Variants in PDE10A observed in about 807,000 individuals in gnomAD.
The protein encoded by PDE10A is phosphodiesterase 10A, also known as cAMP and cAMP-inhibited cGMP 3',5'-cyclic phosphodiesterase 10A.
PDE10A carries 39 observed loss-of-function variants against 97.7 expected under a neutral mutation model. The observed-to-expected ratio is 0.40, with a 90% CI of 0.31 to 0.52. PDE10A has a LOEUF of 0.52. Ranked by LOEUF, PDE10A falls within the 20% of genes least tolerant of loss-of-function variation. PDE10A has a pLI of 0.56. For synonymous variants in PDE10A, 371 were observed against 376.8 expected, an observed-to-expected ratio of 0.98 and a Z score of 0.18; for missense variants, 731 against 1,047.8, an observed-to-expected ratio of 0.70 and a Z score of 4.17.
intron 1 of PDE10A, among the ~76,000 whole-genome samples, chr6:165,807,749 G>T (rs886090571): frequency 1.3e-5 from 2 of 152,078 alleles, no homozygotes; most frequent in Non-Finnish European, 2.9e-5. Context: ...CGGCGGCAGT[G>T]GTTCACCTAA....
intron 1 of PDE10A, among the ~76,000 whole-genome samples, chr6:165,691,106 T>TCTCTCCCC (rs143783728): frequency 5.1e-5 from 2 of 39,130 alleles, no homozygotes; most frequent in Non-Finnish European, 9.1e-5. Flanking sequence ...TCTTTCTCTC[T>TCTCTCCCC]CCCCCCCCCC....
intron 3 of PDE10A, among the ~76,000 whole-genome samples, chr6:165,474,633 A>C (rs574136017): frequency 6.6e-6 from 1 of 152,252 alleles, no homozygotes; most frequent in South Asian, 2.1e-4. Context: ...CATGTAACAA[A>C]CCTGCACATG....
At position 165,418,243 on chromosome 6, in the gene PDE10A, C is replaced by T. The variant is rs141431832; in HGVS notation, c.1796+392G>A. On this transcript the variant is annotated intron_variant, in intron 11 of 21. Coordinates refer to ENST00000539869, the MANE Select transcript of PDE10A (RefSeq NM_001385079.1). This position sits in a 1 kb window ranked among gnomAD's most constrained non-coding sequence, Gnocchi z 4.8. ...TCAATTTCTACTACTGTCTGGACTGCGAGACAGGCCACCGGTTGGGAAGAA... is the reference window on the plus strand; with the variant it reads ...TCAATTTCTACTACTGTCTGGACTGTGAGACAGGCCACCGGTTGGGAAGAA... Among the ~76,000 whole-genome samples, 1 of 152,152 alleles carries T rather than the reference C, an allele frequency of 6.6e-6. No homozygotes were observed. The highest frequency in any genetic ancestry group is 2.4e-5 in the African/African-American group (1 of 41,434).
At chr6:165,866,060 G>A (rs1452475589) in intron 1 of PDE10A, among the ~76,000 whole-genome samples, 1 of 152,052 alleles carries the variant, frequency 6.6e-6, no homozygotes, top group African/African-American at 2.4e-5. Flanking sequence ...TTAACAAAAT[G>A]CAGAAGTAAG....
At position 165,336,393 on chromosome 6, in the gene PDE10A, C is replaced by T. The variant is rs560696132; in HGVS notation, c.2977-182G>A. 1.9e-3 allele frequency among the ~76,000 whole-genome samples: 284 copies of T among 152,266 alleles called. 1 individual carries two copies. The highest frequency in any genetic ancestry group is 6.6e-3 in the African/African-American group (274 of 41,568). ...CTATTATAGACTGTATTTTAAAATG[C>T]ATTAAAATGGATTCTAGAAATAAAA... is the stretch of plus-strand genomic sequence containing the variant. On this transcript the variant is annotated intron_variant, in intron 20 of 21. Coordinates refer to ENST00000539869, the MANE Select transcript of PDE10A (RefSeq NM_001385079.1).
intron 20 of PDE10A, among the ~76,000 whole-genome samples, chr6:165,337,788 T>C (rs1367058480): frequency 6.6e-6 from 1 of 152,180 alleles, no homozygotes; most frequent in East Asian, 1.9e-4. Flanking sequence ...CAATGAGAAA[T>C]TTCCAGCTAT....
chr6:165,569,576 C>T (rs1245230129), intron 1 of PDE10A, among the ~76,000 whole-genome samples: 2 of 152,186 alleles, frequency 1.3e-5, no homozygotes, highest in Non-Finnish European at 2.9e-5. Flanking sequence ...TTTACCTTCA[C>T]AGCCTGTGAC....
At chr6:165,598,788 G>C (rs1786756938) in intron 1 of PDE10A, among the ~76,000 whole-genome samples, 1 of 152,100 alleles carries the variant, frequency 6.6e-6, no homozygotes, top group South Asian at 2.1e-4. Context: ...AAATAAATTA[G>C]GAAAATTTTA....
chr6:165,433,148 A>T lies in PDE10A; in HGVS notation c.1336-19T>A. 6.3e-7 allele frequency: 1 copy of T among 1,589,090 alleles called. No individual in the cohort carries two copies. Among genetic ancestry groups the T allele is most frequent in the Non-Finnish European group, 8.6e-7 (1 of 1,161,392 alleles). On this transcript the variant is annotated intron_variant, in intron 6 of 21. Coordinates refer to ENST00000539869, the MANE Select transcript of PDE10A (RefSeq NM_001385079.1). ...GTTCATCCTGAAAAACAAAAAGACAAAAAGACATAAATTCAGTGAAATGAT... is the reference window on the plus strand; with the variant it reads ...GTTCATCCTGAAAAACAAAAAGACATAAAGACATAAATTCAGTGAAATGAT...
rs1213063621 is a variant in PDE10A, at chr6:165,448,957, C to A, written c.1165G>T (p.Ala389Ser). 1.2e-6 allele frequency: 2 copies of A among 1,612,802 alleles called. No homozygotes were observed. Among genetic ancestry groups the A allele is most frequent in the Non-Finnish European group, 1.7e-6 (2 of 1,179,030 alleles). Residue 389 changes from alanine (A) to serine (S), a missense_variant, in exon 5 of 22, where the codon GCA becomes TCA. Ala to Ser is a moderately conservative substitution (Grantham distance 99, BLOSUM62 1). This residue lies in a region of PDE10A where 152 missense variants were observed against 199.3 expected (regional missense o/e 0.76). Transcript: ENST00000539869. The part of the protein sequence containing the change: ...IKIATKADGF[A>S]LYFLGECNNS... ...TTGCACTCTCCAAGGAAATACAGTG[C>A]AAATCCATCGGCTTTTGTGGCTGCC...
At chr6:165,379,919 T>C (rs533532440) in intron 17 of PDE10A, among the ~76,000 whole-genome samples, 1 of 151,802 alleles carries the variant, frequency 6.6e-6, no homozygotes, top group Non-Finnish European at 1.5e-5. Context: ...CATTAAAAAC[T>C]CTAAGGGCAA....
chr6:165,430,130 C>T (rs1009573063), intron 9 of PDE10A, among the ~76,000 whole-genome samples, 157 bp downstream of exon 9: 2 of 151,996 alleles, frequency 1.3e-5, no homozygotes, highest in African/African-American at 2.4e-5. Flanking sequence ...GAATATAACT[C>T]TACAATCCAT....
At chr6:165,345,640 A>C (rs191856515) in intron 18 of PDE10A, among the ~76,000 whole-genome samples, 256 of 152,338 alleles carry the variant, frequency 1.7e-3, no homozygotes, top group Middle Eastern at 3.4e-3. Context: ...TAGTCGCTAA[A>C]AACAATCAAG....
At chr6:165,875,500 G>A (rs576525488) in intron 1 of PDE10A, among the ~76,000 whole-genome samples, 88 of 152,124 alleles carry the variant, frequency 5.8e-4, no homozygotes, top group Admixed American at 1.1e-3. Context: ...TTATCAGCCC[G>A]AAAATGATTT....
At chr6:165,861,104 G>T (rs1314350378) in intron 1 of PDE10A, among the ~76,000 whole-genome samples, 1 of 152,162 alleles carries the variant, frequency 6.6e-6, no homozygotes, top group African/African-American at 2.4e-5. Context: ...CACGAAGAGT[G>T]TTCAGGCCCG....
chr6:165,707,834 G>C (rs1411178753), intron 1 of PDE10A, among the ~76,000 whole-genome samples: 4 of 151,948 alleles, frequency 2.6e-5, no homozygotes, highest in African/African-American at 7.3e-5. Context: ...TTTCCTTTAG[G>C]GGATCTTGAA....
chr6:165,333,045 C>A lies in PDE10A; in HGVS notation c.3148G>T (p.Ala1050Ser), dbSNP rs1175499953. The change falls in exon 22 of 22, where the codon GCA (alanine) becomes TCA (serine). Residue 1050 changes from alanine (A) to serine (S), a missense_variant. By Grantham distance (99) the Ala-to-Ser change is moderately conservative (BLOSUM62 1). Around this residue, in one of 8 missense-constraint regions of PDE10A, gnomAD observed 34 missense variants for 29.7 expected, o/e 1.14. Coordinates refer to ENST00000539869, the MANE Select transcript of PDE10A (RefSeq NM_001385079.1). ...AGTGCTCAATCTTCAGATGCAGCTG[C>A]CTTCTGAGCCACGGATGGGGATGAA... Reference protein sequence around the residue: ...WISSPSVAQKAAASED With the variant: ...WISSPSVAQKSAASED 4.4e-6 allele frequency: 7 copies of A among 1,607,604 alleles called. No individual in the cohort carries two copies. Among genetic ancestry groups the A allele is most frequent in the Non-Finnish European group, 6.0e-6 (7 of 1,174,428 alleles).
intron 1 of PDE10A, among the ~76,000 whole-genome samples, chr6:165,618,178 C>T (rs1269212957): frequency 1.3e-5 from 2 of 152,148 alleles, no homozygotes; most frequent in Admixed American, 1.3e-4. Flanking sequence ...TGTATATTTG[C>T]TACATTGCTA....
chr6:165,437,182 G>A (rs1325445228), intron 5 of PDE10A, among the ~76,000 whole-genome samples: 1 of 152,134 alleles, frequency 6.6e-6, no homozygotes, highest in East Asian at 1.9e-4. Flanking sequence ...GGGGTGTGGA[G>A]GGAGTCATAG....
Sources: gnomAD v4.1 joint callset for allele counts (sites outside exome capture counted in the v4.1 genomes callset) on GRCh38, gnomAD v4.1.1 for gene constraint, gnomAD v4.1.1 regional missense constraint, Gnocchi (gnomAD v3.1) non-coding constraint, MANE v1.5 for transcripts, NCBI Gene and HGNC (gene_info 2026-07-23, HGNC 2026-07-21) for gene names.